Variants in SDK1 observed in about 807,000 individuals in gnomAD.
SDK1 encodes protein sidekick-1.
Under a neutral mutation model 245.5 loss-of-function variants are expected in SDK1, and 157 were observed. That is an observed-to-expected ratio of 0.64 (90% confidence interval 0.56 to 0.73). SDK1 has a LOEUF of 0.73. SDK1 is among the 30% of genes least tolerant of loss of function. The pLI is 0.00. For missense variants in SDK1, 3,583 were observed against 3,002.3 expected, an observed-to-expected ratio of 1.19 and a Z score of -4.52; for synonymous variants, 1,647 against 1,278.5, an observed-to-expected ratio of 1.29 and a Z score of -6.15.
intron 4 of SDK1, among the ~76,000 whole-genome samples, chr7:3,750,052 C>T (rs1779731534): frequency 6.6e-6 from 1 of 152,172 alleles, no homozygotes; most frequent in Non-Finnish European, 1.5e-5. Context: ...CAATAAGTGA[C>T]TTCTTTGCCT....
At position 3,614,149 on chromosome 7, in the gene SDK1, C is replaced by G. The variant is rs76129146; in HGVS notation, c.299-4931C>G. Reference sequence around the variant, plus strand: ...TAAAAGTTAAAAATTATGATGTTGTCTTGAGACAATGTTAAGTCTATTCCT... The same window carrying G: ...TAAAAGTTAAAAATTATGATGTTGTGTTGAGACAATGTTAAGTCTATTCCT... On this transcript the variant is annotated intron_variant, in intron 1 of 44. Coordinates refer to ENST00000404826, the MANE Select transcript of SDK1 (RefSeq NM_152744.4). Among the ~76,000 whole-genome samples the G allele has an allele frequency of 1.9e-4, 29 of 152,278 alleles. No individual in the cohort carries two copies. The East Asian group carries it at 4.1e-3, about 21-fold the overall frequency.
chr7:4,073,646 T>C (rs1780414571), intron 20 of SDK1, among the ~76,000 whole-genome samples: 1 of 152,116 alleles, frequency 6.6e-6, no homozygotes, highest in African/African-American at 2.4e-5. Flanking sequence ...ACCCCGAGGA[T>C]CAAATTATTT....
chr7:3,675,954 T>C (rs1783879689), intron 4 of SDK1, among the ~76,000 whole-genome samples: 1 of 152,226 alleles, frequency 6.6e-6, no homozygotes, highest in Non-Finnish European at 1.5e-5. Context: ...ATTTGTTGAA[T>C]GCATAGTTCC....
intron 1 of SDK1, among the ~76,000 whole-genome samples, chr7:3,535,363 T>C (rs1239508785): frequency 6.6e-6 from 1 of 152,242 alleles, no homozygotes; most frequent in Non-Finnish European, 1.5e-5. Flanking sequence ...TATACTATTC[T>C]AATTACATGC....
At chr7:4,029,064 G>T (rs1168748563) in intron 17 of SDK1, among the ~76,000 whole-genome samples, 1 of 134,110 alleles carries the variant, frequency 7.5e-6, no homozygotes, top group African/African-American at 3.1e-5. Flanking sequence ...TTCCGAGGGG[G>T]GTGGGGGTCA....
chr7:3,816,900 C>A (rs1456396521), intron 4 of SDK1, among the ~76,000 whole-genome samples: 1 of 151,868 alleles, frequency 6.6e-6, no homozygotes, highest in African/African-American at 2.4e-5. Flanking sequence ...TCTGCATCTT[C>A]CTGCACGCTG....
chr7:3,386,207 TTGTGTAG>T (rs1781606129), intron 1 of SDK1, among the ~76,000 whole-genome samples: 1 of 152,118 alleles, frequency 6.6e-6, no homozygotes, highest in African/African-American at 2.4e-5. Context: ...TCATAACTGA[TTGTGTAG>T]TGTAAGGTTA....
At chr7:4,077,309 C>G (rs987046959) in intron 21 of SDK1, 120 bp downstream of exon 21, 3 of 930,932 alleles carry the variant, frequency 3.2e-6, no homozygotes, top group Non-Finnish European at 4.9e-6. Flanking sequence ...GAGTAGTGGC[C>G]TCCTGCCAAG....
chr7:3,919,110 A>G (rs1779494332), intron 5 of SDK1, among the ~76,000 whole-genome samples: 1 of 152,192 alleles, frequency 6.6e-6, no homozygotes, highest in Admixed American at 6.5e-5. Flanking sequence ...TCCATCTCAC[A>G]TAATCTATCT....
intron 40 of SDK1, among the ~76,000 whole-genome samples, chr7:4,228,461 A>G (rs927675260): frequency 6.6e-6 from 1 of 152,258 alleles, no homozygotes; most frequent in Admixed American, 6.5e-5. Context: ...TGATGCCTGC[A>G]TCAGTCATTT....
chr7:3,722,658 A>G (rs1778850128), intron 4 of SDK1, among the ~76,000 whole-genome samples: 2 of 152,196 alleles, frequency 1.3e-5, no homozygotes. Flanking sequence ...TGTATTTAGC[A>G]GCATCCTGTA....
chr7:3,918,685 G>C (rs1448836758), intron 5 of SDK1, among the ~76,000 whole-genome samples: 1 of 152,138 alleles, frequency 6.6e-6, no homozygotes, highest in Non-Finnish European at 1.5e-5. Context: ...ACTGTCTTCT[G>C]TGAAACCAGT....
intron 28 of SDK1, among the ~76,000 whole-genome samples, chr7:4,144,799 C>T (rs148431760): frequency 3.9e-5 from 6 of 152,176 alleles, no homozygotes; most frequent in East Asian, 1.9e-4. Flanking sequence ...CTGATGAGAC[C>T]GGAGCGCGGC....
intron 1 of SDK1, among the ~76,000 whole-genome samples, chr7:3,315,383 A>T (rs1158566388): frequency 6.8e-6 from 1 of 148,070 alleles, no homozygotes; most frequent in Non-Finnish European, 1.5e-5. Context: ...CACTCACTTC[A>T]TAAGTGGTGG....
Position 3,563,334 on chromosome 7 carries a change from G to A in SDK1, c.299-55746G>A, listed in dbSNP as rs180705280. ...TCGTAAAGATGTATTCTCAGATGGG[G>A]CGGAAAAACAAGATACAAAAAATAG... On this transcript the variant is annotated intron_variant, in intron 1 of 44. Coordinates refer to ENST00000404826, the MANE Select transcript of SDK1 (RefSeq NM_152744.4). Among the ~76,000 whole-genome samples the A allele has an allele frequency of 1.6e-3, 244 of 152,234 alleles. 1 individual carries two copies. Among genetic ancestry groups the A allele is most frequent in the African/African-American group, 5.7e-3 (238 of 41,542 alleles).
intron 1 of SDK1, among the ~76,000 whole-genome samples, chr7:3,510,187 C>G (rs1027165958): frequency 5.9e-5 from 9 of 152,308 alleles, no homozygotes; most frequent in African/African-American, 2.2e-4. Flanking sequence ...TTAATTCAAA[C>G]CATTATGTGC....
Position 3,504,788 on chromosome 7 carries a change from A to G in SDK1, c.299-114292A>G, listed in dbSNP as rs578131009. Among the ~76,000 whole-genome samples the G allele has an allele frequency of 3.9e-5, 6 of 152,122 alleles. No individual in the cohort carries two copies. In the East Asian group the frequency reaches 1.2e-3, roughly 29 times the overall value. ...AGCACAAACAACAGAAGGAAAAAAA[A>G]AAAACCATACTTGGCTGGTGGGGGA... On this transcript the variant is annotated intron_variant, in intron 1 of 44. Coordinates refer to ENST00000404826, the MANE Select transcript of SDK1 (RefSeq NM_152744.4).
chr7:4,230,190 G>T (rs894008611), intron 40 of SDK1, among the ~76,000 whole-genome samples: 1 of 149,342 alleles, frequency 6.7e-6, no homozygotes, highest in African/African-American at 2.5e-5. Flanking sequence ...TGGGTGGATT[G>T]ATGGGTAGGT....
At chr7:4,236,534 C>T (rs1786179455) in intron 41 of SDK1, among the ~76,000 whole-genome samples, 1 of 152,056 alleles carries the variant, frequency 6.6e-6, no homozygotes, top group Admixed American at 6.5e-5. Flanking sequence ...GAGGGGCCAA[C>T]AGGTAGAGAA....
Sources: allele counts gnomAD v4.1 joint callset (sites outside exome capture counted in the v4.1 genomes callset), GRCh38; gene constraint gnomAD v4.1.1; transcripts MANE v1.5; gene names NCBI Gene and HGNC (gene_info 2026-07-23, HGNC 2026-07-21).